The following SLC35A5 variants were observed in gnomAD, a reference collection of about 807,000 sequenced individuals.
SLC35A5 encodes solute carrier family 35 member A5.
Under a neutral mutation model 36.3 loss-of-function variants are expected in SLC35A5, and 28 were observed. That is an observed-to-expected ratio of 0.77 (90% CI 0.57 to 1.06). The LOEUF is 1.06. Ranked by LOEUF, SLC35A5 falls within the 50% of genes least tolerant of loss-of-function variation. The pLI is 0.00. For missense variants in SLC35A5, 521 were observed against 499.3 expected, an observed-to-expected ratio of 1.04 and a Z score of -0.41; for synonymous variants, 180 against 173.7, an observed-to-expected ratio of 1.04 and a Z score of -0.29.
chr3:112,563,460 A>G lies in SLC35A5; in HGVS notation c.57A>G (p.Thr19=). 6.2e-7 allele frequency: 1 copy of G among 1,606,248 alleles called. No homozygotes were observed. The highest frequency in any genetic ancestry group is 8.5e-7 in the Non-Finnish European group (1 of 1,173,972). The change falls in exon 2 of 7, where the codon ACA becomes ACG. Residue 19 remains threonine, a synonymous_variant. Transcript: ENST00000492406. ...PVICSLSTMY[T]FLLGAIFIAL... ...TATGCTCCTTGTCAACAATGTATAC[A>G]TTCCTGCTAGGTGCCATATTCATTG...
At chr3:112,566,997 C>T (rs1225893669) in intron 2 of SLC35A5, among the ~76,000 whole-genome samples, 14 of 152,162 alleles carry the variant, frequency 9.2e-5, no homozygotes, top group Non-Finnish European at 5.9e-5. Context: ...GAGGCCGAGG[C>T]GGGTGGATCA....
chr3:112,561,347 T>G, upstream of SLC35A5: 3 of 1,144,532 alleles, frequency 2.6e-6, no homozygotes, highest in South Asian at 2.6e-5. Flanking sequence ...CGAGCCCTAC[T>G]GCCTTCCTAC....
At chr3:112,574,749 G>A (rs1482755715) in intron 5 of SLC35A5, among the ~76,000 whole-genome samples, 1 of 151,788 alleles carries the variant, frequency 6.6e-6, no homozygotes, top group Non-Finnish European at 1.5e-5. Flanking sequence ...CATAATTTGT[G>A]TATATGAAAG....
Position 112,580,729 on chromosome 3 carries a change from T to A in SLC35A5, c.612T>A (p.Asn204Lys). ...LFRSECPRKD[N>K]CTAKEWTFPE... ...GAAGTGAGTGTCCCAGAAAAGACAA[T>A]TGTACAGCAAAGGAATGGACTTTTC... Residue 204 changes from asparagine (N) to lysine (K), a missense_variant, in exon 6 of 7, where the codon AAT becomes AAA. Physicochemically the swap from Asn to Lys is moderately conservative, Grantham distance 94. Transcript: ENST00000492406. 3 of 1,614,140 alleles carry A rather than the reference T, an allele frequency of 1.9e-6. No homozygotes were observed. The highest frequency in any genetic ancestry group is 2.5e-6 in the Non-Finnish European group (3 of 1,179,984).
At chr3:112,577,022 CT>C (rs1201188966) in intron 5 of SLC35A5, among the ~76,000 whole-genome samples, 1 of 148,280 alleles carries the variant, frequency 6.7e-6, no homozygotes, top group African/African-American at 2.5e-5. Flanking sequence ...TATCAAATAC[CT>C]TTCCCATACA....
chr3:112,579,831 C>T (rs556128731), intron 5 of SLC35A5, among the ~76,000 whole-genome samples: 1 of 152,276 alleles, frequency 6.6e-6, no homozygotes, highest in East Asian at 1.9e-4. Flanking sequence ...CACGTAGTAG[C>T]TGCTTATTAA....
intron 5 of SLC35A5, among the ~76,000 whole-genome samples, chr3:112,574,668 G>GT (rs58919180): frequency 6.6e-6 from 1 of 151,390 alleles, no homozygotes; most frequent in Non-Finnish European, 1.5e-5. Flanking sequence ...TATTAGATTT[G>GT]TTTTTTTTAA....
rs1934974530 is a variant in SLC35A5, at chr3:112,582,550, T to A, written c.1210-121T>A. 8.1e-6 allele frequency: 5 copies of A among 620,142 alleles called. No homozygotes were observed. The Admixed American group carries it at 9.3e-5, about 11-fold the overall frequency. 38.4% of individuals were successfully genotyped at this position (620,142 alleles called of 1,614,324 possible). A position where few individuals can be genotyped will look rare whatever the true frequency, so the allele number is the denominator to read the frequency against. On this transcript the variant is annotated intron_variant, in intron 6 of 6. Transcript: ENST00000492406. The stretch of plus-strand genomic sequence containing the variant: ...CCAAGAACATAAGTATTTATTTAAT[T>A]TGACCAGATTATATCTATAGCTTAA...
At position 112,580,686 on chromosome 3, in the gene SLC35A5, A is replaced by G; in HGVS notation, c.569A>G (p.Asn190Ser). ...FHHDAFFSPSNSCLLFRSECP... is the reference protein window; with the variant it reads ...FHHDAFFSPSSSCLLFRSECP... ...CACGATGCCTTTTTCAGCCCTTCCAATTCCTGCCTTCTTTTCAGAAGTGAG... is the reference window on the plus strand; with the variant it reads ...CACGATGCCTTTTTCAGCCCTTCCAGTTCCTGCCTTCTTTTCAGAAGTGAG... The change falls in exon 6 of 7, where the codon AAT (asparagine) becomes AGT (serine). Residue 190 changes from asparagine (N) to serine (S), a missense_variant. By Grantham distance (46) the Asn-to-Ser change is conservative. Transcript: ENST00000492406. 6.2e-7 allele frequency: 1 copy of G among 1,614,144 alleles called. No homozygotes were observed. Among genetic ancestry groups the G allele is most frequent in the Non-Finnish European group, 8.5e-7 (1 of 1,179,992 alleles).
At chr3:112,573,204 T>C (rs1288825542) in intron 4 of SLC35A5, among the ~76,000 whole-genome samples, 1 of 152,200 alleles carries the variant, frequency 6.6e-6, no homozygotes, top group East Asian at 1.9e-4. Context: ...TAAAAAATTA[T>C]TAACTATTGT....
At position 112,581,340 on chromosome 3, in the gene SLC35A5, GGT is replaced by G. The variant is rs1934913413; in HGVS notation, c.1209+17_1209+18del. Reference sequence around the variant, plus strand: ...CGTTCCAGTGGGGTAAGTTTGTGAGGGTGTTCCTTTTTGCTTGTTCTTCCCAA... The same window carrying G: ...CGTTCCAGTGGGGTAAGTTTGTGAGGGTTCCTTTTTGCTTGTTCTTCCCAA... On this transcript the variant is annotated intron_variant, in intron 6 of 6. Transcript: ENST00000492406. 6.4e-7 allele frequency: 1 copy of G among 1,562,612 alleles called. No homozygotes were observed. The highest frequency in any genetic ancestry group is 1.4e-5 in the African/African-American group (1 of 72,328).
chr3:112,581,663 T>C (rs911202903), intron 6 of SLC35A5, among the ~76,000 whole-genome samples: 1 of 152,150 alleles, frequency 6.6e-6, no homozygotes, highest in Non-Finnish European at 1.5e-5. Context: ...TTACAGATAA[T>C]AAATGAAAGA....
In SLC35A5 at chr3:112,580,849, A is replaced by G. The variant is rs145625916; in HGVS notation, c.732A>G (p.Ser244=). 442 of 1,614,144 alleles carry G rather than the reference A, an allele frequency of 2.7e-4. 9 individuals are homozygous for G. The South Asian group carries it at 3.8e-3, about 14-fold the overall frequency. Residue 244 remains serine, a synonymous_variant, in exon 6 of 7, where the codon TCA becomes TCG. Transcript: ENST00000492406. Reference sequence around the variant, plus strand: ...TTATAGTCCAGTGTTTTATTTCTTCAATGGCTAATATCTATAATGAAAAGA... The same window carrying G: ...TTATAGTCCAGTGTTTTATTTCTTCGATGGCTAATATCTATAATGAAAAGA... ...VLIIVQCFIS[S]MANIYNEKIL...
chr3:112,576,425 C>T (rs1934682368), intron 5 of SLC35A5, among the ~76,000 whole-genome samples: 2 of 149,436 alleles, frequency 1.3e-5, no homozygotes, highest in South Asian at 4.2e-4. Context: ...GCGTCCAGCC[C>T]ATCTTAACAA....
chr3:112,573,931 G>A lies in SLC35A5; in HGVS notation c.403G>A (p.Ala135Thr). ...CTCAAATTTTAGCATTATAACAACAGCTCTTCTATTCAGGATAGTGCTGAA... is the reference window on the plus strand; with the variant it reads ...CTCAAATTTTAGCATTATAACAACAACTCTTCTATTCAGGATAGTGCTGAA... ...IFSNFSIITT[A>T]LLFRIVLKRR... Residue 135 changes from alanine (A) to threonine (T), a missense_variant, in exon 5 of 7, where the codon GCT becomes ACT. By Grantham distance (58) the Ala-to-Thr change is moderately conservative. Coordinates refer to ENST00000492406, the MANE Select transcript of SLC35A5 (RefSeq NM_017945.5). 6.2e-7 allele frequency: 1 copy of A among 1,613,496 alleles called. No homozygotes were observed. Among genetic ancestry groups the A allele is most frequent in the Non-Finnish European group, 8.5e-7 (1 of 1,179,536 alleles).
intron 3 of SLC35A5, among the ~76,000 whole-genome samples, chr3:112,570,279 A>G (rs1268823493): frequency 6.6e-6 from 1 of 151,316 alleles, no homozygotes; most frequent in Non-Finnish European, 1.5e-5. Context: ...CAGCAGCAAG[A>G]GAAACCACAT....
intron 5 of SLC35A5, among the ~76,000 whole-genome samples, chr3:112,578,067 T>C (rs1006279441): frequency 6.6e-6 from 1 of 152,206 alleles, no homozygotes; most frequent in Non-Finnish European, 1.5e-5. Flanking sequence ...TAAGTATATA[T>C]AGAAAATATC....
chr3:112,577,229 T>A (rs1576758102), intron 5 of SLC35A5, among the ~76,000 whole-genome samples: 3 of 152,310 alleles, frequency 2.0e-5, no homozygotes, highest in Admixed American at 2.0e-4. Context: ...CATCTAAATG[T>A]CCTATTGTCT....
rs61732187 is a variant in SLC35A5 at position 112,573,918 on chromosome 3, C to T, written c.390C>T (p.Ser130=). 3.6e-3 allele frequency: 5,729 copies of T among 1,613,212 alleles called. 171 individuals carry two copies. In the African/African-American group the frequency reaches 0.067, roughly 19 times the overall value. Residue 130 remains serine (S), a synonymous_variant, in exon 5 of 7, where the codon AGC becomes AGT. Transcript: ENST00000492406. ...TGGCTGTTATCTTCTCAAATTTTAG[C>T]ATTATAACAACAGCTCTTCTATTCA... is the stretch of plus-strand genomic sequence containing the variant. ...PAMAVIFSNF[S]IITTALLFRI... is the part of the protein sequence containing the mutation.
Sources: gnomAD v4.1 joint callset for allele counts (sites outside exome capture counted in the v4.1 genomes callset) on GRCh38, gnomAD v4.1.1 for gene constraint, MANE v1.5 for transcripts, NCBI Gene and HGNC (gene_info 2026-07-23, HGNC 2026-07-21) for gene names.